Variants in CNBD1 observed in about 807,000 individuals in gnomAD.
CNBD1 encodes cyclic nucleotide-binding domain-containing protein 1.
In CNBD1, 71 loss-of-function variants were observed where a neutral mutation model predicts 54.4. The observed-to-expected ratio is 1.30, with a 90% confidence interval of 1.08 to 1.59. The LOEUF (loss-of-function observed/expected upper bound fraction) is 1.59, where lower values mean the gene tolerates loss of function less well. Among genes scored for constraint, CNBD1 ranks in the 40% most tolerant of loss-of-function variants. CNBD1 has a pLI of 0.00. For missense variants in CNBD1, 659 were observed against 518.0 expected (o/e 1.27, Z -2.64); for synonymous variants, 182 against 170.7 (o/e 1.07, Z -0.51).
intron 8 of CNBD1, among the ~76,000 whole-genome samples, chr8:87,302,784 A>C (rs1219185387): frequency 6.6e-6 from 1 of 152,050 alleles, no homozygotes; most frequent in Non-Finnish European, 1.5e-5. Context: ...CAACTTCAGC[A>C]AAGTCTCAGG....
In CNBD1 at chr8:87,102,077, T is replaced by A. The variant is rs535732295; in HGVS notation, c.432-103916T>A. Among the ~76,000 whole-genome samples the A allele has an allele frequency of 5.3e-5, 8 of 152,072 alleles. No homozygotes were observed. The East Asian group carries it at 5.8e-4, about 11-fold the overall frequency. On this transcript the variant is annotated intron_variant, in intron 4 of 10. Coordinates refer to ENST00000518476, the MANE Select transcript of CNBD1 (RefSeq NM_173538.3). ...CTAATTTTTATATTTTTAGTAGAGATGGGGTTTCACTATGTTAACCAGGAT... is the reference window on the plus strand; with the variant it reads ...CTAATTTTTATATTTTTAGTAGAGAAGGGGTTTCACTATGTTAACCAGGAT...
intron 4 of CNBD1, among the ~76,000 whole-genome samples, chr8:87,059,754 C>T (rs1283587202): frequency 4.6e-5 from 7 of 152,224 alleles, no homozygotes; most frequent in Non-Finnish European, 7.3e-5. Flanking sequence ...AACTATAATT[C>T]AAAATTAGAT....
At chr8:87,377,230 C>T (rs1404223080) in intron 10 of CNBD1, among the ~76,000 whole-genome samples, 1 of 150,916 alleles carries the variant, frequency 6.6e-6, no homozygotes, top group Non-Finnish European at 1.5e-5. Context: ...TATACATGTG[C>T]CATGCTGGTG....
chr8:87,030,295 AT>A, intron 4 of CNBD1, among the ~76,000 whole-genome samples: 1 of 152,308 alleles, frequency 6.6e-6, no homozygotes, highest in East Asian at 1.9e-4. Context: ...GAATATTTAC[AT>A]TTTCTCAAAT....
At chr8:87,387,658 G>A (rs1811218780), downstream of CNBD1, among the ~76,000 whole-genome samples, 1 of 152,116 alleles carries the variant, frequency 6.6e-6, no homozygotes, top group African/African-American at 2.4e-5. Flanking sequence ...ATCATAATGG[G>A]AGACCTTAAC....
chr8:87,078,363 G>T (rs1004763098), intron 4 of CNBD1, among the ~76,000 whole-genome samples: 3 of 152,214 alleles, frequency 2.0e-5, no homozygotes, highest in African/African-American at 7.2e-5. Context: ...GTAAAGCTGT[G>T]TGAATGTTGC....
chr8:87,358,712 G>A (rs1810469235), intron 10 of CNBD1, among the ~76,000 whole-genome samples: 1 of 152,142 alleles, frequency 6.6e-6, no homozygotes, highest in Admixed American at 6.6e-5. Flanking sequence ...TATAATTCAG[G>A]TTGTGTCTGA....
chr8:87,329,301 T>C (rs1809762526), intron 8 of CNBD1, among the ~76,000 whole-genome samples: 1 of 152,148 alleles, frequency 6.6e-6, no homozygotes, highest in South Asian at 2.1e-4. Context: ...TTGTCTTGAT[T>C]ACTGCAGCTC....
At chr8:87,418,228 TAAAC>T (rs1293756596) in intron 2 of CNBD1, among the ~76,000 whole-genome samples, 1 of 151,928 alleles carries the variant, frequency 6.6e-6, no homozygotes, top group East Asian at 1.9e-4. Flanking sequence ...AGTCCAGAAA[TAAAC>T]CCACACATTT....
chr8:87,179,388 T>C (rs1813264283), intron 4 of CNBD1, among the ~76,000 whole-genome samples: 1 of 152,200 alleles, frequency 6.6e-6, no homozygotes, highest in Non-Finnish European at 1.5e-5. Flanking sequence ...AAGAATTATC[T>C]TGAAGGTATT....
chr8:87,072,890 C>A (rs1051187740), intron 4 of CNBD1, among the ~76,000 whole-genome samples: 1 of 152,038 alleles, frequency 6.6e-6, no homozygotes, highest in Non-Finnish European at 1.5e-5. Flanking sequence ...TGGATGATAT[C>A]TTGTAGTATG....
intron 10 of CNBD1, among the ~76,000 whole-genome samples, chr8:87,377,460 T>C (rs1810973031): frequency 1.3e-5 from 2 of 151,998 alleles, no homozygotes; most frequent in South Asian, 4.1e-4. Context: ...ATTTCATCCA[T>C]GTCCCTACAA....
chr8:87,148,818 T>A (rs1019425722), intron 4 of CNBD1, among the ~76,000 whole-genome samples: 12 of 152,186 alleles, frequency 7.9e-5, no homozygotes, highest in African/African-American at 2.9e-4. Context: ...TTCAGAAGTC[T>A]CTGTAAGCTA....
intron 4 of CNBD1, among the ~76,000 whole-genome samples, chr8:87,010,776 G>A (rs1466734703): frequency 2.0e-5 from 3 of 152,012 alleles, no homozygotes; most frequent in East Asian, 1.9e-4. Context: ...CCCATTCTGT[G>A]ATAAAATTCT....
At chr8:87,010,463 TCCATG>T (rs1307826588) in intron 4 of CNBD1, among the ~76,000 whole-genome samples, 1 of 152,112 alleles carries the variant, frequency 6.6e-6, no homozygotes, top group African/African-American at 2.4e-5. Flanking sequence ...AAAAATGAAC[TCCATG>T]CCAGGCATGG....
At chr8:87,329,916 T>A (rs1239941693) in intron 8 of CNBD1, among the ~76,000 whole-genome samples, 1 of 152,036 alleles carries the variant, frequency 6.6e-6, no homozygotes, top group Non-Finnish European at 1.5e-5. Context: ...TAGCTAGGAC[T>A]TCCAGTATAA....
intron 4 of CNBD1, among the ~76,000 whole-genome samples, chr8:86,949,362 T>C (rs1223599120): frequency 3.9e-5 from 6 of 152,206 alleles, no homozygotes. Context: ...CTTAACAATA[T>C]TGATTCTGCT....
intron 4 of CNBD1, among the ~76,000 whole-genome samples, chr8:87,135,607 C>A (rs1344718326): frequency 6.8e-6 from 1 of 146,626 alleles, no homozygotes; most frequent in Non-Finnish European, 1.5e-5. Flanking sequence ...CACATATATT[C>A]TATATATAAT....
chr8:86,986,001 G>T (rs1779989109), intron 4 of CNBD1, among the ~76,000 whole-genome samples: 1 of 152,056 alleles, frequency 6.6e-6, no homozygotes, highest in African/African-American at 2.4e-5. Flanking sequence ...TGCAATATCG[G>T]CTCACCGCAA....
Sources: gnomAD v4.1 joint callset for allele counts (sites outside exome capture counted in the v4.1 genomes callset) on GRCh38, gnomAD v4.1.1 for gene constraint, MANE v1.5 for transcripts, NCBI Gene and HGNC (gene_info 2026-07-23, HGNC 2026-07-21) for gene names.